ATG12: variants seen among roughly 807,000 people sequenced by gnomAD.
The protein encoded by ATG12 is autophagy related 12.
ATG12 carries 19 observed loss-of-function variants against 17.6 expected under a neutral mutation model. That is an observed-to-expected ratio of 1.08 (90% CI 0.75 to 1.58). ATG12 has a LOEUF of 1.58. ATG12 is among the 40% of genes most tolerant of loss of function. ATG12 has a pLI of 0.00. For synonymous variants in ATG12, 75 were observed against 62.4 expected (o/e 1.20, Z -0.95); for missense variants, 214 against 162.0 (o/e 1.32, Z -1.74).
intron 1 of ATG12, chr5:115,838,876 G>A (rs1161849265): frequency 2.6e-5 from 4 of 152,186 alleles, no homozygotes; most frequent in African/African-American, 7.2e-5. Context: ...ATCACTTGAG[G>A]TCAGGAGTTC....
chr5:115,840,681 T>G, intron 1 of ATG12: 1 of 1,206,670 alleles, frequency 8.3e-7, no homozygotes, highest in Non-Finnish European at 1.1e-6. Context: ...GCTTATATGC[T>G]GCTTTTCCCA....
In ATG12 at chr5:115,832,567, CTTTCTTTTTTTTTTTTTT is replaced by C. The variant is rs1760923721; in HGVS notation, c.363+17_363+34del. On this transcript the variant is annotated intron_variant, in intron 3 of 3. Coordinates refer to ENST00000509910, the MANE Select transcript of ATG12 (RefSeq NM_004707.4). Reference sequence around the variant, plus strand: ...GATTAAGAAAAAAAAGCAGTAATTTCTTTCTTTTTTTTTTTTTTTTTTTTTTTTTTTTACCTCATAGAG... The same window carrying C: ...GATTAAGAAAAAAAAGCAGTAATTTCTTTTTTTTTTTTTTACCTCATAGAG... The C allele has an allele frequency of 1.6e-5, 17 of 1,066,406 alleles. No individual in the cohort carries two copies. The highest frequency in any genetic ancestry group is 1.0e-4 in the Admixed American group (2 of 20,100). 66.1% of individuals were successfully genotyped at this position (1,066,406 alleles called of 1,614,324 possible). A position where few individuals can be genotyped will look rare whatever the true frequency, so the allele number is the denominator to read the frequency against.
chr5:115,841,021 T>C (rs1366703663), intron 1 of ATG12: 5 of 554,494 alleles, frequency 9.0e-6, no homozygotes, highest in Non-Finnish European at 1.5e-5. Context: ...CCTACCACCA[T>C]AAAACATTAC....
At chr5:115,840,515 C>T (rs751792112) in intron 1 of ATG12, 7 of 838,272 alleles carry the variant, frequency 8.4e-6, no homozygotes, top group Non-Finnish European at 1.1e-5. Flanking sequence ...CCAGGCTGGT[C>T]TCGAACTCTT....
intron 3 of ATG12, 114 bp from the exon 4 acceptor site, chr5:115,831,977 T>A: frequency 1.1e-6 from 1 of 926,960 alleles, no homozygotes; most frequent in Non-Finnish European, 1.7e-6. Context: ...TTAAGTTACC[T>A]ATGTTACAGG....
intron 2 of ATG12, chr5:115,834,176 C>CA (rs1289575144): frequency 2.0e-5 from 3 of 152,118 alleles, no homozygotes; most frequent in Non-Finnish European, 1.5e-5. Flanking sequence ...GCAAAGGAGA[C>CA]AAAGAGTAAG....
At position 115,829,750 on chromosome 5, in the gene ATG12, T is replaced by C. The variant is rs186742543; in HGVS notation, c.*2054A>G. ...ATCCAGGCTTAATTATTGTTTAATG[T>C]TGCAAATTTAGCGCAGAATAATTCT... On this transcript the variant is annotated 3_prime_UTR_variant, in exon 4 of 4. Transcript: ENST00000509910. The C allele has an allele frequency of 4.0e-4, 61 of 152,300 alleles. No individual in the cohort carries two copies. Among genetic ancestry groups the C allele is most frequent in the Middle Eastern group, 3.4e-3 (1 of 294 alleles). 9.4% of individuals were successfully genotyped at this position (152,300 alleles called of 1,614,324 possible). A position where few individuals can be genotyped will look rare whatever the true frequency, so the allele number is the denominator to read the frequency against.
intron 1 of ATG12, chr5:115,839,166 T>C (rs956360778): frequency 4.6e-5 from 7 of 151,270 alleles, no homozygotes; most frequent in African/African-American, 1.7e-4. Flanking sequence ...GCAAGACACA[T>C]TGAAAGCAAA....
At chr5:115,835,647 T>C (rs1761064452) in intron 2 of ATG12, among the ~76,000 whole-genome samples, 1 of 152,172 alleles carries the variant, frequency 6.6e-6, no homozygotes, top group Non-Finnish European at 1.5e-5. Flanking sequence ...AAATGTATTG[T>C]CATCACGTGC....
At chr5:115,836,505 C>T (rs999517137) in intron 2 of ATG12, among the ~76,000 whole-genome samples, 6 of 152,132 alleles carry the variant, frequency 3.9e-5, no homozygotes, top group East Asian at 1.9e-4. Flanking sequence ...TTTGTGAGAG[C>T]ACTTGCAGCC....
chr5:115,841,339 C>T, intron 1 of ATG12, 51 bp downstream of exon 1: 1 of 1,606,560 alleles, frequency 6.2e-7, no homozygotes, highest in Non-Finnish European at 8.5e-7. Flanking sequence ...CACCCCTACT[C>T]GGATGCAATC....
chr5:115,840,574 A>T, intron 1 of ATG12: 1 of 1,275,252 alleles, frequency 7.8e-7, no homozygotes, highest in Non-Finnish European at 1.0e-6. Flanking sequence ...CTGGGATTAC[A>T]GGAGTGAGCC....
At position 115,832,599 on chromosome 5, in the gene ATG12, T is replaced by TTTTTA; in HGVS notation, c.363+2_363+3insTAAAA. On this transcript the variant is annotated splice_region_variant and intron_variant, in intron 3 of 3. Coordinates refer to ENST00000509910, the MANE Select transcript of ATG12 (RefSeq NM_004707.4). ...TTTTTTTTTTTTTTTTTTTTTTTTT[T>TTTTTA]ACCTCATAGAGAGTTCCAACTTCTT... is the stretch of plus-strand genomic sequence containing the variant. 1 of 952,612 alleles carries TTTTTA rather than the reference T, an allele frequency of 1.0e-6. No homozygotes were observed. Among genetic ancestry groups the TTTTTA allele is most frequent in the Non-Finnish European group, 1.5e-6 (1 of 670,412 alleles). The allele number at this position is 952,612 out of a possible 1,614,324, so 59.0% of individuals were successfully genotyped here.
chr5:115,841,331 C>A, intron 1 of ATG12, 59 bp downstream of exon 1: 1 of 1,604,298 alleles, frequency 6.2e-7, no homozygotes, highest in Non-Finnish European at 8.5e-7. Flanking sequence ...CTGGCCGCCA[C>A]CCCTACTCGG....
chr5:115,841,288 A>T (rs2112739648), intron 1 of ATG12, 102 bp downstream of exon 1: 1 of 1,485,480 alleles, frequency 6.7e-7, no homozygotes, highest in Non-Finnish European at 9.2e-7. Flanking sequence ...ATGCAGGTCT[A>T]GGACAGGCGC....
intron 1 of ATG12, chr5:115,840,683 C>A: frequency 8.3e-7 from 1 of 1,204,824 alleles, no homozygotes; most frequent in Admixed American, 3.4e-5. Flanking sequence ...TTATATGCTG[C>A]TTTTCCCATA....
In ATG12 at chr5:115,828,891, G is replaced by T. The variant is rs1027598588; in HGVS notation, c.*2913C>A. 1 of 152,044 alleles carries T rather than the reference G, an allele frequency of 6.6e-6. No individual in the cohort carries two copies. The highest frequency in any genetic ancestry group is 2.4e-5 in the African/African-American group (1 of 41,384). 9.4% of individuals were successfully genotyped at this position (152,044 alleles called of 1,614,324 possible). On this transcript the variant is annotated 3_prime_UTR_variant, in exon 4 of 4. Coordinates refer to ENST00000509910, the MANE Select transcript of ATG12 (RefSeq NM_004707.4). ...CTCTAAGTGTTTTTATGAGAGAAAG[G>T]GTATCTTCTCCTTGAATGATTCAGA...
Position 115,841,371 on chromosome 5 carries a change from C to T in ATG12, c.163+19G>A, listed in dbSNP as rs143823554. On this transcript the variant is annotated intron_variant, in intron 1 of 3. Coordinates refer to ENST00000509910, the MANE Select transcript of ATG12 (RefSeq NM_004707.4). ...AATCTGAACCTCCCGCCTCTCTGCC[C>T]GGAAATAAATTCAGTTACTTTTTTT... is the stretch of plus-strand genomic sequence containing the variant. 6 of 1,610,088 alleles carry T rather than the reference C, an allele frequency of 3.7e-6. No individual in the cohort carries two copies. The highest frequency in any genetic ancestry group is 1.7e-5 in the Admixed American group (1 of 59,168).
In ATG12 at chr5:115,837,398, C is replaced by T. The variant is rs139379178; in HGVS notation, c.300+230G>A. Among the ~76,000 whole-genome samples the T allele has an allele frequency of 8.5e-3, 1,291 of 151,728 alleles. 5 individuals are homozygous for T. The highest frequency in any genetic ancestry group is 0.011 in the Non-Finnish European group (744 of 67,922). On this transcript the variant is annotated intron_variant, in intron 2 of 3. Transcript: ENST00000509910. ...ACTAGGGTGGCTGAGGCAGGAGAAT[C>T]GCTTGAACCAGGAGGAGAAGGTTGC...
Sources: gnomAD v4.1 joint callset for allele counts (sites outside exome capture counted in the v4.1 genomes callset) on GRCh38, gnomAD v4.1.1 for gene constraint, MANE v1.5 for transcripts, NCBI Gene and HGNC (gene_info 2026-07-23, HGNC 2026-07-21) for gene names.